THNSL2: variants seen among roughly 807,000 people sequenced by gnomAD.
THNSL2 encodes the protein threonine synthase like 2, also known as threonine synthase-like 2.
A neutral mutation model predicts 40.0 loss-of-function variants in THNSL2; 34 were observed. The ratio of observed to expected loss-of-function variants is 0.85; its 90% CI spans 0.65 to 1.13. The LOEUF (loss-of-function observed/expected upper bound fraction) is 1.13, where lower values mean the gene tolerates loss of function less well. Ranked by LOEUF, THNSL2 falls within the 50% of genes most tolerant of loss-of-function variation. THNSL2 has a pLI of 0.00. For synonymous variants in THNSL2, 241 were observed against 247.5 expected, an observed-to-expected ratio of 0.97 and a Z score of 0.25; for missense variants, 537 against 608.8, an observed-to-expected ratio of 0.88 and a Z score of 1.24.
rs1403243352 is a variant in THNSL2, at chr2:88,173,250, G to A, written c.100G>A (p.Glu34Lys). The stretch of plus-strand genomic sequence containing the variant: ...TGACGGGGGCCTCTTTATGCCTGAA[G>A]AGCTCCCACAGTTGGACAGAGGGAC... ...APDGGLFMPE[E>K]LPQLDRGTLC... Residue 34 changes from glutamate to lysine, a missense_variant, in exon 2 of 9, where the codon GAG becomes AAG. By Grantham distance (56) the Glu-to-Lys change is moderately conservative (BLOSUM62 1). Transcript: ENST00000674334. 67 of 1,612,100 alleles carry A rather than the reference G, an allele frequency of 4.2e-5. No individual in the cohort carries two copies. In the East Asian group the frequency reaches 1.5e-3, roughly 35 times the overall value.
Position 88,178,989 on chromosome 2 carries a change from A to T in THNSL2, c.778A>T (p.Thr260Ser). ...PLPLVEVVVP[T>S]GAAGNLAAGY... Reference sequence around the variant, plus strand: ...ACCCCTGGTGGAGGTGGTTGTGCCAACAGGGGCTGCCGGTAACCTTGCAGG... The same window carrying T: ...ACCCCTGGTGGAGGTGGTTGTGCCATCAGGGGCTGCCGGTAACCTTGCAGG... The change falls in exon 5 of 9, where the codon ACA becomes TCA. Residue 260 changes from threonine (T) to serine (S), a missense_variant. Coordinates refer to ENST00000674334, the MANE Select transcript of THNSL2 (RefSeq NM_018271.5). 1 of 1,614,188 alleles carries T rather than the reference A, an allele frequency of 6.2e-7. No individual in the cohort carries two copies. Among genetic ancestry groups the T allele is most frequent in the Non-Finnish European group, 8.5e-7 (1 of 1,180,024 alleles).
Position 88,185,576 on chromosome 2 carries a change from T to C in THNSL2, c.1229+97T>C, listed in dbSNP as rs181348308. 195 of 1,551,360 alleles carry C rather than the reference T, an allele frequency of 1.3e-4. 1 individual carries two copies. The African/African-American group carries it at 2.2e-3, about 17-fold the overall frequency. ...TGGGAGAGACAGGACTACGAAAAAA[T>C]GGCTGTAATGGAGTGTGATGGGTGC... On this transcript the variant is annotated intron_variant, in intron 8 of 8. Coordinates refer to ENST00000674334, the MANE Select transcript of THNSL2 (RefSeq NM_018271.5).
intron 5 of THNSL2, among the ~76,000 whole-genome samples, chr2:88,182,062 G>A (rs914050697): frequency 2.6e-5 from 4 of 152,186 alleles, no homozygotes; most frequent in African/African-American, 7.2e-5. Context: ...GAATAATGCT[G>A]CAGTGAACAT....
At chr2:88,185,661 A>C in intron 8 of THNSL2, 182 bp downstream of exon 8, 1 of 1,551,584 alleles carries the variant, frequency 6.4e-7, no homozygotes, top group Non-Finnish European at 8.7e-7. Flanking sequence ...CAGATATCCC[A>C]GGGACAGCCA....
rs763805908 is a variant in THNSL2, at chr2:88,175,440, CTG to C, written c.571+40_571+41del. ...CAGAGGCTCTAGGGACAGTGCAGCC[CTG>C]CCTTAATTGGGTTTGCTTTGGGAGA... On this transcript the variant is annotated intron_variant, in intron 4 of 8. Transcript: ENST00000674334. The C allele has an allele frequency of 1.1e-5, 17 of 1,604,350 alleles. No individual in the cohort carries two copies. In the East Asian group the frequency reaches 2.2e-4, roughly 21 times the overall value.
At chr2:88,179,434 C>T (rs1677298160) in intron 5 of THNSL2, among the ~76,000 whole-genome samples, 1 of 152,230 alleles carries the variant, frequency 6.6e-6, no homozygotes, top group African/African-American at 2.4e-5. Flanking sequence ...GGACACACCA[C>T]CCTGACCCCG....
chr2:88,183,301 T>C (rs566320028), intron 7 of THNSL2: 36 of 483,996 alleles, frequency 7.4e-5, no homozygotes, highest in African/African-American at 1.2e-4. Flanking sequence ...CTCTGAGACA[T>C]TGGGCTAGTT....
At chr2:88,184,362 A>G (rs1005444666) in intron 7 of THNSL2, among the ~76,000 whole-genome samples, 6 of 152,230 alleles carry the variant, frequency 3.9e-5, no homozygotes, top group Admixed American at 6.5e-5. Flanking sequence ...TTCATGTTAT[A>G]TATCTACTGT....
chr2:88,175,637 T>TACAACATGTTGAAAACATGGTTTTCAAC, intron 4 of THNSL2: 1 of 491,690 alleles, frequency 2.0e-6, no homozygotes, highest in Non-Finnish European at 3.5e-6. Flanking sequence ...ACATGCTAAG[T>TACAACATGTTGAAAACATGGTTTTCAAC]ATGGATTGAA....
At position 88,178,888 on chromosome 2, in the gene THNSL2, C is replaced by T. The variant is rs751975614; in HGVS notation, c.677C>T (p.Ser226Phe). Residue 226 changes from serine to phenylalanine, a missense_variant, in exon 5 of 9, where the codon TCC becomes TTC. Physicochemically the swap from Ser to Phe is radical, Grantham distance 155. Coordinates refer to ENST00000674334, the MANE Select transcript of THNSL2 (RefSeq NM_018271.5). ...NLMSLNSINW[S>F]RVLVQMAHHF... ...ATGAGCCTGAATTCGATCAACTGGTCCCGGGTCCTGGTGCAGATGGCCCAT... is the reference window on the plus strand; with the variant it reads ...ATGAGCCTGAATTCGATCAACTGGTTCCGGGTCCTGGTGCAGATGGCCCAT... The T allele has an allele frequency of 6.2e-7, 1 of 1,614,230 alleles. No individual in the cohort carries two copies. The highest frequency in any genetic ancestry group is 1.7e-5 in the Admixed American group (1 of 60,032).
Position 88,178,782 on chromosome 2 carries a change from G to C in THNSL2, c.572-1G>C. 6.2e-7 allele frequency: 1 copy of C among 1,614,136 alleles called. No homozygotes were observed. The highest frequency in any genetic ancestry group is 8.5e-7 in the Non-Finnish European group (1 of 1,180,012). ...CTGCCCTCTTCTCTCCCCCCTGGCA[G>C]TGGAGGGAAACAGCGATGAGCTCGA... On this transcript the variant is annotated splice_acceptor_variant, in intron 4 of 8. Coordinates refer to ENST00000674334, the MANE Select transcript of THNSL2 (RefSeq NM_018271.5). LOFTEE classifies it high-confidence loss of function.
At chr2:88,178,095 A>C (rs923716979) in intron 4 of THNSL2, among the ~76,000 whole-genome samples, 1 of 152,124 alleles carries the variant, frequency 6.6e-6, no homozygotes, top group Non-Finnish European at 1.5e-5. Context: ...TAAGAAATCA[A>C]TATTGGCTTG....
At position 88,175,285 on chromosome 2, in the gene THNSL2, G is replaced by T; in HGVS notation, c.455G>T (p.Ser152Ile). The T allele has an allele frequency of 6.2e-7, 1 of 1,614,220 alleles. No homozygotes were observed. The highest frequency in any genetic ancestry group is 8.5e-7 in the Non-Finnish European group (1 of 1,180,042). The change falls in exon 4 of 9, where the codon AGT becomes ATT. Residue 152 changes from serine to isoleucine, a missense_variant. By Grantham distance (142) the Ser-to-Ile change is moderately radical (BLOSUM62 -2). Coordinates refer to ENST00000674334, the MANE Select transcript of THNSL2 (RefSeq NM_018271.5). ...GACACAGGAAGTGCTGCCATTGAGA[G>T]TGTTCAAGGGGCAAAGAACATGGAC... Reference protein sequence around the residue: ...SGDTGSAAIESVQGAKNMDII... With the variant: ...SGDTGSAAIEIVQGAKNMDII...
At chr2:88,184,602 TAA>T (rs59914368) in intron 7 of THNSL2, among the ~76,000 whole-genome samples, 86 of 142,204 alleles carry the variant, frequency 6.0e-4, no homozygotes, top group African/African-American at 1.7e-3. Context: ...CCGTCTCTAC[TAA>T]AAAAAAAAAA....
Position 88,186,295 on chromosome 2 carries a change from A to G in THNSL2, c.*172A>G. ...TTCCCTGGCTAGTCTGTGCCTGGTC[A>G]CCAGGGAGGCTGAGTGAGGGGCTGT... On this transcript the variant is annotated 3_prime_UTR_variant, in exon 9 of 9. Transcript: ENST00000674334. 1.5e-6 allele frequency: 1 copy of G among 671,272 alleles called. No individual in the cohort carries two copies. Among genetic ancestry groups the G allele is most frequent in the East Asian group, 2.7e-5 (1 of 36,424 alleles). 41.6% of individuals were successfully genotyped at this position (671,272 alleles called of 1,614,324 possible). A position where few individuals can be genotyped will look rare whatever the true frequency, so the allele number is the denominator to read the frequency against.
chr2:88,183,012 C>T lies in THNSL2; in HGVS notation c.1016C>T (p.Ala339Val). The change falls in exon 7 of 9, where the codon GCC (alanine) becomes GTC (valine). Residue 339 changes from alanine to valine, a missense_variant. Physicochemically the swap from Ala to Val is moderately conservative, Grantham distance 64 (BLOSUM62 0). Transcript: ENST00000674334. Reference protein sequence around the residue: ...LSGSDSQVTRALMEQFERTQS... With the variant: ...LSGSDSQVTRVLMEQFERTQS... ...GGCTCTGACAGCCAGGTGACAAGAGCCCTCATGGAGCAGTTTGAAAGGACC... is the reference window on the plus strand; with the variant it reads ...GGCTCTGACAGCCAGGTGACAAGAGTCCTCATGGAGCAGTTTGAAAGGACC... The T allele has an allele frequency of 6.2e-7, 1 of 1,614,036 alleles. No individual in the cohort carries two copies. Among genetic ancestry groups the T allele is most frequent in the Non-Finnish European group, 8.5e-7 (1 of 1,180,010 alleles).
At position 88,186,280 on chromosome 2, in the gene THNSL2, A is replaced by G. The variant is rs1408111614; in HGVS notation, c.*157A>G. 1.4e-6 allele frequency: 1 copy of G among 725,602 alleles called. No individual in the cohort carries two copies. Among genetic ancestry groups the G allele is most frequent in the Non-Finnish European group, 2.3e-6 (1 of 436,868 alleles). The allele number at this position is 725,602 out of a possible 1,614,324, so 44.9% of individuals were successfully genotyped here. A position where few individuals can be genotyped will look rare whatever the true frequency, so the allele number is the denominator to read the frequency against. On this transcript the variant is annotated 3_prime_UTR_variant, in exon 9 of 9. Coordinates refer to ENST00000674334, the MANE Select transcript of THNSL2 (RefSeq NM_018271.5). Reference sequence around the variant, plus strand: ...GCTGGCTTTGCTCCGTTCCCTGGCTAGTCTGTGCCTGGTCACCAGGGAGGC... The same window carrying G: ...GCTGGCTTTGCTCCGTTCCCTGGCTGGTCTGTGCCTGGTCACCAGGGAGGC...
At chr2:88,185,287 C>CT in intron 7 of THNSL2, 41 bp from the exon 8 acceptor site, 1 of 1,489,724 alleles carries the variant, frequency 6.7e-7, no homozygotes, top group South Asian at 1.3e-5. Context: ...TTCCCTACAT[C>CT]CCCCCCCCAC....
intron 5 of THNSL2, 200 bp from the exon 6 acceptor site, chr2:88,182,499 A>G (rs1677790528): frequency 2.0e-6 from 1 of 492,040 alleles, no homozygotes; most frequent in Non-Finnish European, 3.5e-6. Flanking sequence ...TATTCTGGAT[A>G]CAAATCCCTT....
Sources: allele counts gnomAD v4.1 joint callset (sites outside exome capture counted in the v4.1 genomes callset), GRCh38; gene constraint gnomAD v4.1.1; transcripts MANE v1.5; gene names NCBI Gene and HGNC (gene_info 2026-07-23, HGNC 2026-07-21).